SOS1: variants seen among roughly 807,000 people sequenced by gnomAD.
The protein encoded by SOS1 is SOS Ras/Rac guanine nucleotide exchange factor 1.
In SOS1, 25 loss-of-function variants were observed where a neutral mutation model predicts 157.6. The ratio of observed to expected loss-of-function variants is 0.16; its 90% confidence interval spans 0.12 to 0.22. The LOEUF (loss-of-function observed/expected upper bound fraction) is 0.22. Among genes scored for constraint, SOS1 ranks in the 10% least tolerant of loss-of-function variants. SOS1 has a pLI of 1.00. For missense variants in SOS1, 1,237 were observed against 1,599.1 expected, an observed-to-expected ratio of 0.77 and a Z score of 3.86; for synonymous variants, 528 against 534.0, an observed-to-expected ratio of 0.99 and a Z score of 0.16.
Position 39,110,033 on chromosome 2 carries a change from T to TGTGC in SOS1, c.87+10302_87+10303insGCAC, listed in dbSNP as rs1553371484. Among the ~76,000 whole-genome samples, 158 of 130,514 alleles carry TGTGC rather than the reference T, an allele frequency of 1.2e-3. 1 individual carries two copies. The highest frequency in any genetic ancestry group is 4.2e-3 in the African/African-American group (151 of 35,722). 85.6% of individuals were successfully genotyped at this position (130,514 alleles called of 152,430 possible). A position where few individuals can be genotyped will look rare whatever the true frequency, so the allele number is the denominator to read the frequency against. On this transcript the variant is annotated intron_variant, in intron 1 of 22. Coordinates refer to ENST00000402219, the MANE Select transcript of SOS1 (RefSeq NM_005633.4). The stretch of plus-strand genomic sequence containing the variant: ...ACAGAGATACAGATACAGTTGTGTG[T>TGTGC]GTGTGCGTGTGTGTGTGTGTGTGTG...
At chr2:39,006,643 C>G (rs966939043) in intron 16 of SOS1, 114 bp from the exon 17 acceptor site, 15 of 724,144 alleles carry the variant, frequency 2.1e-5, no homozygotes, top group Middle Eastern at 6.6e-4. Flanking sequence ...GATTTTATGA[C>G]TGTAACATTG....
At chr2:39,121,902 TATC>T (rs1307986645), upstream of SOS1, among the ~76,000 whole-genome samples, 1 of 152,222 alleles carries the variant, frequency 6.6e-6, no homozygotes, top group Non-Finnish European at 1.5e-5. Context: ...TATCATTAAT[TATC>T]ATTTTTTTGA....
At chr2:39,041,044 G>C (rs1474106597) in intron 6 of SOS1, among the ~76,000 whole-genome samples, 2 of 152,166 alleles carry the variant, frequency 1.3e-5, no homozygotes, top group South Asian at 2.1e-4. Flanking sequence ...CTTAGTAGAT[G>C]TGAAGTGGTA....
chr2:39,050,635 T>C (rs920676538), intron 6 of SOS1, among the ~76,000 whole-genome samples: 2 of 152,212 alleles, frequency 1.3e-5, no homozygotes, highest in African/African-American at 2.4e-5. Context: ...TTGAGCATCA[T>C]GTTGGAATAG....
At chr2:39,080,028 G>A (rs1672146486) in intron 1 of SOS1, among the ~76,000 whole-genome samples, 1 of 151,846 alleles carries the variant, frequency 6.6e-6, no homozygotes, top group South Asian at 2.1e-4. Context: ...CGGGTGGGGA[G>A]GATGGTTTCG....
chr2:39,096,699 C>T lies in SOS1; in HGVS notation c.87+23637G>A, dbSNP rs888518885. Reference sequence around the variant, plus strand: ...AGGAGATCGAGACCATCTTGGCTAACATGGTGAAACCCCGTCTCTACTAAA... The same window carrying T: ...AGGAGATCGAGACCATCTTGGCTAATATGGTGAAACCCCGTCTCTACTAAA... On this transcript the variant is annotated intron_variant, in intron 1 of 22. Coordinates refer to ENST00000402219, the MANE Select transcript of SOS1 (RefSeq NM_005633.4). 8.5e-5 allele frequency among the ~76,000 whole-genome samples: 13 copies of T among 152,194 alleles called. 1 individual carries two copies. In the South Asian group the frequency reaches 2.7e-3, roughly 32 times the overall value.
chr2:39,090,450 C>G (rs908951466), intron 1 of SOS1, among the ~76,000 whole-genome samples: 2 of 152,040 alleles, frequency 1.3e-5, no homozygotes, highest in African/African-American at 2.4e-5. Context: ...AATCCCAGCA[C>G]TTTGTGAGGC....
chr2:39,034,882 G>C, intron 8 of SOS1: 1 of 470,810 alleles, frequency 2.1e-6, no homozygotes, highest in Non-Finnish European at 4.2e-6. Context: ...ATCCAAGGTT[G>C]TTTTCAAAGA....
intron 15 of SOS1, among the ~76,000 whole-genome samples, chr2:39,008,063 C>T (rs936614092): frequency 3.3e-5 from 5 of 152,180 alleles, no homozygotes; most frequent in African/African-American, 9.7e-5. Context: ...CGGTGAGGTG[C>T]AGGAGCAGGA....
intron 1 of SOS1, among the ~76,000 whole-genome samples, chr2:39,113,103 C>T (rs1436520269): frequency 1.3e-5 from 2 of 152,016 alleles, no homozygotes; most frequent in Non-Finnish European, 2.9e-5. Flanking sequence ...GCTCCCCAAC[C>T]TACAAACCCA....
intron 1 of SOS1, among the ~76,000 whole-genome samples, chr2:39,092,826 A>G (rs1156815194): frequency 6.6e-6 from 1 of 152,258 alleles, no homozygotes; most frequent in Non-Finnish European, 1.5e-5. Flanking sequence ...TCCACTTGAA[A>G]GCTCTAAATT....
intron 1 of SOS1, among the ~76,000 whole-genome samples, chr2:39,118,148 A>G (rs1673724788): frequency 6.6e-6 from 1 of 152,194 alleles, no homozygotes; most frequent in African/African-American, 2.4e-5. Context: ...GTAATATCCA[A>G]CTCAGCCCTG....
chr2:39,079,134 G>A (rs1672117784), intron 1 of SOS1, among the ~76,000 whole-genome samples: 7 of 1,238 alleles, frequency 5.7e-3, no homozygotes, highest in Admixed American at 6.0e-3. Flanking sequence ...CACAACAGAT[G>A]AACAAGCACA....
chr2:39,092,344 A>C (rs1572886745), intron 1 of SOS1, among the ~76,000 whole-genome samples: 1 of 152,024 alleles, frequency 6.6e-6, no homozygotes, highest in African/African-American at 2.4e-5. Context: ...TCTTACACTA[A>C]CTACCCTCTT....
intron 11 of SOS1, 66 bp downstream of exon 11, chr2:39,014,698 AG>A: frequency 1.2e-6 from 1 of 826,422 alleles, no homozygotes; most frequent in South Asian, 1.7e-5. Flanking sequence ...ATTTCTGAAA[AG>A]GATCTTAGCT....
intron 1 of SOS1, among the ~76,000 whole-genome samples, chr2:39,092,219 A>T (rs1432038155): frequency 2.0e-5 from 3 of 151,820 alleles, no homozygotes; most frequent in Non-Finnish European, 4.4e-5. Flanking sequence ...TTCTTTTTGG[A>T]GACAGGGTCT....
At chr2:39,047,462 A>T (rs1257008340) in intron 6 of SOS1, among the ~76,000 whole-genome samples, 1 of 152,212 alleles carries the variant, frequency 6.6e-6, no homozygotes, top group Non-Finnish European at 1.5e-5. Context: ...TGGCTGTACC[A>T]AATTACACCC....
intron 1 of SOS1, among the ~76,000 whole-genome samples, chr2:39,116,019 T>C (rs368692207): frequency 5.9e-5 from 9 of 152,324 alleles, no homozygotes; most frequent in African/African-American, 2.2e-4. Flanking sequence ...AACATTGGAT[T>C]GTTTCCAGTT....
chr2:39,062,447 G>T (rs1206386464), intron 2 of SOS1, among the ~76,000 whole-genome samples: 99 of 119,462 alleles, frequency 8.3e-4, no homozygotes, highest in East Asian at 1.2e-3. Context: ...AAAAAAAAAA[G>T]AAAAGAAAAG....
Sources: allele counts gnomAD v4.1 joint callset (sites outside exome capture counted in the v4.1 genomes callset), GRCh38; gene constraint gnomAD v4.1.1; transcripts MANE v1.5; gene names NCBI Gene and HGNC (gene_info 2026-07-23, HGNC 2026-07-21).